Variants in CEP112 observed in about 807,000 individuals in gnomAD.
The protein encoded by CEP112 is centrosomal protein of 112 kDa.
In CEP112, 127 loss-of-function variants were observed where a neutral mutation model predicts 153.0. That is an observed-to-expected ratio of 0.83 (90% CI 0.72 to 0.96). CEP112 has a LOEUF of 0.96. Among genes scored for constraint, CEP112 ranks in the 40% least tolerant of loss-of-function variants. The pLI is 0.00. For missense variants in CEP112, 1,089 were observed against 1,101.2 expected (o/e 0.99, Z 0.16); for synonymous variants, 358 against 374.4 (o/e 0.96, Z 0.51).
chr17:66,005,930 T>TACTAC (rs1294653604), intron 16 of CEP112, among the ~76,000 whole-genome samples, 161 bp from the exon 17 acceptor site: 1 of 152,032 alleles, frequency 6.6e-6, no homozygotes, highest in Non-Finnish European at 1.5e-5. Context: ...ATGATTTCAA[T>TACTAC]ACTATACTCA....
intron 4 of CEP112, among the ~76,000 whole-genome samples, chr17:66,142,385 G>A (rs943099582): frequency 1.2e-4 from 18 of 152,270 alleles, no homozygotes; most frequent in African/African-American, 4.3e-4. Context: ...CTTTGCTTTA[G>A]TTGCCTATGT....
At position 66,115,451 on chromosome 17, in the gene CEP112, T is replaced by C. The variant is rs539638511; in HGVS notation, c.642+14295A>G. 2.6e-5 allele frequency among the ~76,000 whole-genome samples: 4 copies of C among 152,336 alleles called. No individual in the cohort carries two copies. In the South Asian group the frequency reaches 8.3e-4, roughly 32 times the overall value. Reference sequence around the variant, plus strand: ...TTGGGCAGCTCATCTACTGGGACAGTGCATTCTTGAAATCGACCCAAGAGT... The same window carrying C: ...TTGGGCAGCTCATCTACTGGGACAGCGCATTCTTGAAATCGACCCAAGAGT... On this transcript the variant is annotated intron_variant, in intron 6 of 26. Transcript: ENST00000535342.
At chr17:65,746,831 T>C (rs966355747) in intron 22 of CEP112, among the ~76,000 whole-genome samples, 2 of 152,110 alleles carry the variant, frequency 1.3e-5, no homozygotes, top group Non-Finnish European at 2.9e-5. Context: ...TGAATCATAA[T>C]TAAAAACCAT....
chr17:65,829,595 G>A lies in CEP112; in HGVS notation c.2394+22209C>T, dbSNP rs921981630. Among the ~76,000 whole-genome samples, 6 of 152,246 alleles carry A rather than the reference G, an allele frequency of 3.9e-5. No homozygotes were observed. In the South Asian group the frequency reaches 6.2e-4, roughly 16 times the overall value. ...GTTCTAAGTGCATAAAATGCTATTC[G>A]AAATGTTGATGTGGTGTGGAATAAA... is the stretch of plus-strand genomic sequence containing the variant. On this transcript the variant is annotated intron_variant, in intron 21 of 26. Coordinates refer to ENST00000535342, the MANE Select transcript of CEP112 (RefSeq NM_001199165.4).
chr17:65,898,386 G>A (rs886820056), intron 20 of CEP112, among the ~76,000 whole-genome samples: 1 of 151,996 alleles, frequency 6.6e-6, no homozygotes, highest in Non-Finnish European at 1.5e-5. Flanking sequence ...GGAAAATCAG[G>A]TAATGCAACT....
chr17:65,645,597 C>T (rs777663189), intron 24 of CEP112, among the ~76,000 whole-genome samples: 24 of 152,138 alleles, frequency 1.6e-4, no homozygotes, highest in Non-Finnish European at 2.5e-4. Context: ...AGATATGTCT[C>T]TTCTTTTTTC....
intron 20 of CEP112, among the ~76,000 whole-genome samples, chr17:65,860,441 G>A (rs1209918393): frequency 1.3e-5 from 2 of 152,162 alleles, no homozygotes; most frequent in African/African-American, 4.8e-5. Context: ...GACAAACATA[G>A]TACCATGACA....
intron 24 of CEP112, among the ~76,000 whole-genome samples, chr17:65,676,429 T>G (rs1047498059): frequency 6.6e-6 from 1 of 151,684 alleles, no homozygotes; most frequent in African/African-American, 2.4e-5. Flanking sequence ...GATATCTTCA[T>G]AGAAAATGTA....
intron 21 of CEP112, among the ~76,000 whole-genome samples, chr17:65,806,722 C>T (rs2109906): frequency 0.98 from 149,608 of 152,284 alleles, 73,542 homozygotes; most frequent in Middle Eastern, 1. Context: ...CTTGCTTCCC[C>T]TTCACCTTCT....
chr17:66,116,181 C>T (rs2069282614), intron 6 of CEP112, among the ~76,000 whole-genome samples: 1 of 152,186 alleles, frequency 6.6e-6, no homozygotes, highest in African/African-American at 2.4e-5. Flanking sequence ...CACACTGATG[C>T]ATTTTATATA....
At chr17:65,883,504 G>T (rs1180255188) in intron 20 of CEP112, among the ~76,000 whole-genome samples, 1 of 152,080 alleles carries the variant, frequency 6.6e-6, no homozygotes, top group African/African-American at 2.4e-5. Flanking sequence ...GGGATTACAG[G>T]CATCTGCCAC....
chr17:65,907,746 TA>T (rs2060136242), intron 19 of CEP112, among the ~76,000 whole-genome samples: 1 of 152,182 alleles, frequency 6.6e-6, no homozygotes, highest in Non-Finnish European at 1.5e-5. Flanking sequence ...GATATGTAAA[TA>T]AAAAGTTTTA....
chr17:65,801,440 T>G (rs1031631231), intron 21 of CEP112, among the ~76,000 whole-genome samples: 3 of 152,248 alleles, frequency 2.0e-5, no homozygotes, highest in Non-Finnish European at 2.9e-5. Flanking sequence ...CTCTTTTCTC[T>G]TTTATCACTT....
chr17:66,183,604 A>AGACAATTGGTATTGGT (rs1335504491), intron 1 of CEP112, among the ~76,000 whole-genome samples: 3 of 152,204 alleles, frequency 2.0e-5, no homozygotes, highest in African/African-American at 7.2e-5. Context: ...ACAGTAGTCA[A>AGACAATTGGTATTGGT]GACAATTGGT....
chr17:66,012,884 A>T (rs184804669), intron 16 of CEP112, among the ~76,000 whole-genome samples: 5 of 151,976 alleles, frequency 3.3e-5, no homozygotes, highest in Admixed American at 3.3e-4. Context: ...TGGTCTCTTC[A>T]CATAATCCCG....
At position 65,635,876 on chromosome 17, in the gene CEP112, T is replaced by C; in HGVS notation, c.*95A>G. 7.7e-7 allele frequency: 1 copy of C among 1,300,266 alleles called. No homozygotes were observed. Among genetic ancestry groups the C allele is most frequent in the Non-Finnish European group, 1.1e-6 (1 of 925,650 alleles). 80.5% of individuals were successfully genotyped at this position (1,300,266 alleles called of 1,614,324 possible). A position where few individuals can be genotyped will look rare whatever the true frequency, so the allele number is the denominator to read the frequency against. On this transcript the variant is annotated 3_prime_UTR_variant, in exon 27 of 27. Transcript: ENST00000535342. ...CATTTAAGGATTTAAAAAATGCCAC[T>C]GATCTCACAGTTTACAATATCCAAA...
intron 17 of CEP112, among the ~76,000 whole-genome samples, chr17:65,975,201 A>T (rs1357204520): frequency 1.3e-5 from 2 of 152,190 alleles, no homozygotes; most frequent in African/African-American, 2.4e-5. Context: ...CTATCAATTG[A>T]AAAACCGTTT....
At chr17:66,021,033 C>T (rs2064980486) in intron 16 of CEP112, among the ~76,000 whole-genome samples, 1 of 152,098 alleles carries the variant, frequency 6.6e-6, no homozygotes, top group South Asian at 2.1e-4. Context: ...TGTCCCTCTG[C>T]AATCTACCTG....
chr17:65,937,760 A>T (rs1232013602), intron 18 of CEP112, among the ~76,000 whole-genome samples: 9 of 132 alleles, frequency 0.068, 2 homozygotes, highest in African/African-American at 0.15. Context: ...TCAGCCCCCC[A>T]GCCCAGCCAG....
Sources: gnomAD v4.1 joint callset for allele counts (sites outside exome capture counted in the v4.1 genomes callset) on GRCh38, gnomAD v4.1.1 for gene constraint, MANE v1.5 for transcripts, NCBI Gene and HGNC (gene_info 2026-07-23, HGNC 2026-07-21) for gene names.